The following RBFOX1 variants were observed in gnomAD, a reference collection of about 807,000 sequenced individuals.
The protein encoded by RBFOX1 is RNA binding protein fox-1 homolog 1.
A neutral mutation model predicts 57.7 loss-of-function variants in RBFOX1; 8 were observed. The ratio of observed to expected loss-of-function variants is 0.14; its 90% CI spans 0.08 to 0.25. The LOEUF (loss-of-function observed/expected upper bound fraction) is 0.25, where lower values mean the gene tolerates loss of function less well. Among genes scored for constraint, RBFOX1 ranks in the 10% least tolerant of loss-of-function variants. The pLI, the probability that RBFOX1 is intolerant of heterozygous loss-of-function variation, is 1.00. For synonymous variants in RBFOX1, 326 were observed against 222.4 expected, an observed-to-expected ratio of 1.47 and a Z score of -4.15; for missense variants, 611 against 548.5, an observed-to-expected ratio of 1.11 and a Z score of -1.14.
At chr16:6,376,905 A>G (rs563359800) in intron 2 of RBFOX1, among the ~76,000 whole-genome samples, 4 of 151,810 alleles carry the variant, frequency 2.6e-5, no homozygotes, top group Non-Finnish European at 5.9e-5. Flanking sequence ...TGTCACTCCA[A>G]TCTCTGGCTT....
chr16:6,101,270 G>A (rs2096304377), intron 1 of RBFOX1, among the ~76,000 whole-genome samples: 1 of 151,946 alleles, frequency 6.6e-6, no homozygotes, highest in Non-Finnish European at 1.5e-5. Flanking sequence ...GTGGGTGTAG[G>A]CCTCTGGGTC....
intron 4 of RBFOX1, among the ~76,000 whole-genome samples, chr16:7,132,582 C>A (rs1450076745): frequency 6.7e-6 from 1 of 148,682 alleles, no homozygotes; most frequent in African/African-American, 2.5e-5. Flanking sequence ...TTTATGAAGG[C>A]AGAAGTAAAC....
intron 4 of RBFOX1, among the ~76,000 whole-genome samples, chr16:7,183,288 G>C (rs1602134564): frequency 1.3e-5 from 2 of 152,270 alleles, no homozygotes; most frequent in South Asian, 4.1e-4. Flanking sequence ...AATGACAAGT[G>C]TATCGTGCTT....
intron 4 of RBFOX1, among the ~76,000 whole-genome samples, chr16:7,268,824 G>T (rs553473644): frequency 6.6e-6 from 1 of 151,884 alleles, no homozygotes; most frequent in Non-Finnish European, 1.5e-5. Flanking sequence ...GGATCACGAG[G>T]TCAGGAGTTC....
At chr16:5,309,433 A>G (rs1391961946) in intron 1 of RBFOX1, among the ~76,000 whole-genome samples, 1 of 152,174 alleles carries the variant, frequency 6.6e-6, no homozygotes, top group African/African-American at 2.4e-5. Flanking sequence ...AAGTTGATTG[A>G]TCCTGAAGTT....
At chr16:5,917,991 A>T (rs1244953417) in intron 4 of RBFOX1, among the ~76,000 whole-genome samples, 1 of 152,114 alleles carries the variant, frequency 6.6e-6, no homozygotes, top group Non-Finnish European at 1.5e-5. Flanking sequence ...CCCACCTCTC[A>T]GATTTAGAGT....
intron 4 of RBFOX1, among the ~76,000 whole-genome samples, chr16:5,889,776 T>G (rs2151932365): frequency 6.6e-6 from 1 of 152,264 alleles, no homozygotes; most frequent in East Asian, 1.9e-4. Context: ...AATGTTTTGA[T>G]CAAGGCCTGA....
intron 3 of RBFOX1, 80 bp from the exon 4 acceptor site, chr16:7,051,974 TTAA>T (rs1354637613): frequency 6.4e-7 from 1 of 1,551,836 alleles, no homozygotes; most frequent in Admixed American, 2.0e-5. Flanking sequence ...AGCTGAGTAA[TTAA>T]AAGTAACTTT....
chr16:6,788,314 A>G (rs1046903428), intron 3 of RBFOX1, among the ~76,000 whole-genome samples: 6 of 151,976 alleles, frequency 3.9e-5, no homozygotes, highest in African/African-American at 1.4e-4. Context: ...ATTCCCCAGC[A>G]TCTGCAGAGT....
intron 3 of RBFOX1, among the ~76,000 whole-genome samples, chr16:6,686,366 G>T (rs761032844): frequency 3.3e-5 from 5 of 152,154 alleles, no homozygotes; most frequent in Admixed American, 1.3e-4. Context: ...TGATGCTTCA[G>T]GAAGCCTGTG....
intron 1 of RBFOX1, among the ~76,000 whole-genome samples, chr16:5,332,862 C>T (rs1176581105): frequency 1.3e-5 from 2 of 152,050 alleles, no homozygotes; most frequent in Non-Finnish European, 2.9e-5. Flanking sequence ...TCCCGAGTCA[C>T]CAGGTAGGAA....
In RBFOX1 at chr16:7,019,793, C is replaced by T. The variant is rs545525912; in HGVS notation, c.-15-32264C>T. Reference sequence around the variant, plus strand: ...TTTAGCTTGTACAAGGAAATACCCACGCCCCAATTCCCATTAATCCTGAAC... The same window carrying T: ...TTTAGCTTGTACAAGGAAATACCCATGCCCCAATTCCCATTAATCCTGAAC... On this transcript the variant is annotated intron_variant, in intron 3 of 15. Coordinates refer to ENST00000550418, the MANE Select transcript of RBFOX1 (RefSeq NM_018723.4). Among the ~76,000 whole-genome samples the T allele has an allele frequency of 9.2e-5, 14 of 152,278 alleles. No homozygotes were observed. In the East Asian group the frequency reaches 1.2e-3, roughly 13 times the overall value.
intron 1 of RBFOX1, among the ~76,000 whole-genome samples, chr16:6,246,030 G>A (rs2097567389): frequency 6.6e-6 from 1 of 152,150 alleles, no homozygotes; most frequent in Non-Finnish European, 1.5e-5. Context: ...TAGAGGTCCT[G>A]TATATCTGAA....
chr16:6,874,870 C>T (rs147274940), intron 3 of RBFOX1, among the ~76,000 whole-genome samples: 1 of 152,174 alleles, frequency 6.6e-6, no homozygotes, highest in Non-Finnish European at 1.5e-5. Flanking sequence ...TGAACTTACC[C>T]ATGTAAGGAA....
intron 2 of RBFOX1, among the ~76,000 whole-genome samples, chr16:6,356,268 GC>G (rs1450677639): frequency 6.6e-6 from 1 of 152,106 alleles, no homozygotes; most frequent in Non-Finnish European, 1.5e-5. Context: ...TGTTGCAGGG[GC>G]AAAAACCTGC....
At chr16:5,794,949 C>T (rs1282573581) in intron 3 of RBFOX1, among the ~76,000 whole-genome samples, 1 of 152,178 alleles carries the variant, frequency 6.6e-6, no homozygotes, top group South Asian at 2.1e-4. Context: ...CAGGCACACA[C>T]CCACTCTCAT....
At chr16:5,974,007 C>G (rs550059221) in intron 4 of RBFOX1, among the ~76,000 whole-genome samples, 1 of 152,294 alleles carries the variant, frequency 6.6e-6, no homozygotes, top group Non-Finnish European at 1.5e-5. Context: ...ATCCTTAAAA[C>G]CTCATTTCCT....
At chr16:5,666,704 C>G (rs561473289) in intron 3 of RBFOX1, among the ~76,000 whole-genome samples, 186 of 152,334 alleles carry the variant, frequency 1.2e-3, no homozygotes, top group African/African-American at 4.2e-3. Context: ...TAATCCACAT[C>G]TTCCTCCCCA....
At chr16:7,453,348 C>T (rs2057777840) in intron 4 of RBFOX1, among the ~76,000 whole-genome samples, 1 of 151,860 alleles carries the variant, frequency 6.6e-6, no homozygotes, top group African/African-American at 2.4e-5. Flanking sequence ...AGATCATTGT[C>T]CTCATAGTTG....
Sources: gnomAD v4.1 joint callset for allele counts (sites outside exome capture counted in the v4.1 genomes callset) on GRCh38, gnomAD v4.1.1 for gene constraint, MANE v1.5 for transcripts, NCBI Gene and HGNC (gene_info 2026-07-23, HGNC 2026-07-21) for gene names.